The following C2CD3 variants were observed in gnomAD, a reference collection of about 807,000 sequenced individuals.
The protein encoded by C2CD3 is C2 domain containing 3 centriole elongation regulator.
C2CD3 carries 148 observed loss-of-function variants against 234.0 expected under a neutral mutation model. That is an observed-to-expected ratio of 0.63 (90% CI 0.55 to 0.72). C2CD3 has a LOEUF of 0.72. Ranked by LOEUF, C2CD3 falls within the 30% of genes least tolerant of loss-of-function variation. C2CD3 has a pLI of 0.00. For missense variants in C2CD3, 2,577 were observed against 2,811.5 expected (o/e 0.92, Z 1.89); for synonymous variants, 1,000 against 1,035.4 (o/e 0.97, Z 0.66).
intron 24 of C2CD3, among the ~76,000 whole-genome samples, chr11:74,059,432 A>AAAG (rs1954118910): frequency 6.6e-6 from 1 of 151,056 alleles, no homozygotes; most frequent in African/African-American, 2.4e-5. Context: ...AAAAAAAAAA[A>AAAG]AAAGAAAGAT....
At chr11:74,112,180 T>C (rs1004735243) in intron 11 of C2CD3, among the ~76,000 whole-genome samples, 2 of 152,200 alleles carry the variant, frequency 1.3e-5, no homozygotes, top group Admixed American at 6.5e-5. Flanking sequence ...TATTTGACTA[T>C]GTAGTAGGAG....
intron 19 of C2CD3, among the ~76,000 whole-genome samples, chr11:74,092,058 A>AT (rs1565282993): frequency 6.6e-6 from 1 of 151,126 alleles, no homozygotes; most frequent in African/African-American, 2.4e-5. Context: ...ATATATATAT[A>AT]TATTTTTTTT....
chr11:74,070,313 C>T (rs1263071537), intron 24 of C2CD3, among the ~76,000 whole-genome samples: 4 of 152,218 alleles, frequency 2.6e-5, no homozygotes, highest in Non-Finnish European at 5.9e-5. Context: ...CTTCAGAACT[C>T]AGCTTTGCTG....
At chr11:74,092,289 A>G (rs1182699630) in intron 19 of C2CD3, 127 bp downstream of exon 19, 1 of 741,054 alleles carries the variant, frequency 1.3e-6, no homozygotes. Context: ...TCCTGACCTC[A>G]GGTGATCCAC....
At chr11:74,096,256 T>C (rs7125400) in intron 16 of C2CD3, among the ~76,000 whole-genome samples, 34,363 of 152,056 alleles carry the variant, frequency 0.23, 4,200 homozygotes, top group East Asian at 0.3. Context: ...TCTTAGAGAA[T>C]GAATTATTCA....
intron 2 of C2CD3, among the ~76,000 whole-genome samples, chr11:74,161,813 CTTTTTTTTT>C (rs927069098): frequency 1.5e-5 from 2 of 131,894 alleles, no homozygotes; most frequent in African/African-American, 2.8e-5. Flanking sequence ...TGAAGTTCTA[CTTTTTTTTT>C]TTTTTTTTTT....
chr11:74,014,387 G>A (rs1398622545), intron 32 of C2CD3, among the ~76,000 whole-genome samples: 2 of 152,190 alleles, frequency 1.3e-5, no homozygotes, highest in Admixed American at 1.3e-4. Context: ...AGTCCCATGA[G>A]CTGAGGCTGT....
At chr11:74,046,420 T>G (rs1164389430) in intron 28 of C2CD3, among the ~76,000 whole-genome samples, 1 of 152,242 alleles carries the variant, frequency 6.6e-6, no homozygotes, top group Non-Finnish European at 1.5e-5. Flanking sequence ...CATAGCTCAC[T>G]GCACCCTTAA....
At position 74,170,883 on chromosome 11, in the gene C2CD3, CCCCGGCAACCGGCGCCG is replaced by C; in HGVS notation, c.-108_-92del. Reference sequence around the variant, plus strand: ...CATCCCTCCCCACGGCGCCTGCGTTCCCCGGCAACCGGCGCCGCTGGGCAGCCTGGGAGGCAGGAAAA... The same window carrying C: ...CATCCCTCCCCACGGCGCCTGCGTTCCTGGGCAGCCTGGGAGGCAGGAAAA... On this transcript the variant is annotated 5_prime_UTR_variant, in exon 1 of 33. Transcript: ENST00000334126. The C allele has an allele frequency of 6.3e-7, 1 of 1,592,956 alleles. No homozygotes were observed. The highest frequency in any genetic ancestry group is 8.5e-7 in the Non-Finnish European group (1 of 1,170,220).
chr11:74,139,262 C>T (rs1184056756), intron 4 of C2CD3, among the ~76,000 whole-genome samples: 1 of 152,196 alleles, frequency 6.6e-6, no homozygotes, highest in African/African-American at 2.4e-5. Context: ...AAAACAAAAA[C>T]CTGATTCTTA....
chr11:74,032,393 A>G (rs573151782), intron 31 of C2CD3, among the ~76,000 whole-genome samples: 149 of 152,264 alleles, frequency 9.8e-4, no homozygotes, highest in South Asian at 1.9e-3. Flanking sequence ...TGGTTAGGCT[A>G]CAGGTGTGAA....
intron 7 of C2CD3, chr11:74,129,677 G>C (rs2135532544): frequency 5.8e-6 from 1 of 173,652 alleles, no homozygotes; most frequent in African/African-American, 2.6e-5. Flanking sequence ...CGGGGTGGCG[G>C]CCGGGCAGAG....
Position 74,054,597 on chromosome 11 carries a change from G to T in C2CD3, c.5155+10C>A. On this transcript the variant is annotated intron_variant, in intron 26 of 32. Coordinates refer to ENST00000334126, the MANE Select transcript of C2CD3 (RefSeq NM_001286577.2). ...CAAGCAAGCAGATATTCTTTTAACA[G>T]AGTTCATACCTCCTTTATGCCAAAC... 6.4e-7 allele frequency: 1 copy of T among 1,550,614 alleles called. No individual in the cohort carries two copies. Among genetic ancestry groups the T allele is most frequent in the Non-Finnish European group, 8.8e-7 (1 of 1,129,994 alleles).
intron 19 of C2CD3, among the ~76,000 whole-genome samples, chr11:74,091,586 A>T (rs1955895707): frequency 6.6e-6 from 1 of 152,258 alleles, no homozygotes; most frequent in South Asian, 2.1e-4. Context: ...TCCTGCTGGA[A>T]GCATTAGGAT....
intron 27 of C2CD3, among the ~76,000 whole-genome samples, chr11:74,049,048 A>T (rs982569423): frequency 1.3e-5 from 2 of 152,208 alleles, no homozygotes; most frequent in African/African-American, 4.8e-5. Context: ...TTCAGATTCT[A>T]TATGACAACC....
Position 74,085,471 on chromosome 11 carries a change from A to G in C2CD3, c.3910+147T>C. ...TCTTACATACTTAGTACATATCCTT[A>G]TTTTTTGCTATATCTTTCAGAAATA... is the stretch of plus-strand genomic sequence containing the variant. On this transcript the variant is annotated intron_variant, in intron 21 of 32. Transcript: ENST00000334126. 4 of 764,264 alleles carry G rather than the reference A, an allele frequency of 5.2e-6. No homozygotes were observed. In the South Asian group the frequency reaches 7.6e-5, roughly 14 times the overall value. The allele number at this position is 764,264 out of a possible 1,614,324, so 47.3% of individuals were successfully genotyped here. A position where few individuals can be genotyped will look rare whatever the true frequency, so the allele number is the denominator to read the frequency against.
intron 2 of C2CD3, among the ~76,000 whole-genome samples, chr11:74,162,897 T>C (rs1482289101): frequency 6.6e-6 from 1 of 152,208 alleles, no homozygotes; most frequent in Non-Finnish European, 1.5e-5. Flanking sequence ...CAGGAGTATC[T>C]AATTGCATAC....
intron 8 of C2CD3, among the ~76,000 whole-genome samples, chr11:74,119,576 T>C (rs532322673): frequency 4.8e-4 from 73 of 151,910 alleles, no homozygotes; most frequent in African/African-American, 1.6e-3. Context: ...TGATCTGTGA[T>C]AGGGGGACAA....
chr11:74,057,068 G>T (rs1285060509), intron 25 of C2CD3, among the ~76,000 whole-genome samples: 1 of 151,926 alleles, frequency 6.6e-6, no homozygotes, highest in East Asian at 1.9e-4. Flanking sequence ...CCAGCTTGAT[G>T]GTAATTTGTT....
Sources: allele counts gnomAD v4.1 joint callset (sites outside exome capture counted in the v4.1 genomes callset), GRCh38; gene constraint gnomAD v4.1.1; transcripts MANE v1.5; gene names NCBI Gene and HGNC (gene_info 2026-07-23, HGNC 2026-07-21).